Variants in IPPK observed in about 807,000 individuals in gnomAD.
IPPK encodes the protein IPK1 homolog.
A neutral mutation model predicts 64.6 loss-of-function variants in IPPK; 22 were observed. The ratio of observed to expected loss-of-function variants is 0.34; its 90% CI spans 0.24 to 0.49. The LOEUF (loss-of-function observed/expected upper bound fraction) is 0.49. IPPK is among the 20% of genes least tolerant of loss of function. The pLI is 0.99. For missense variants in IPPK, 532 were observed against 630.7 expected, an observed-to-expected ratio of 0.84 and a Z score of 1.68; for synonymous variants, 262 against 247.2, an observed-to-expected ratio of 1.06 and a Z score of -0.56.
chr9:92,669,767 G>A (rs1852687393), intron 1 of IPPK, 141 bp downstream of exon 1: 1 of 620,170 alleles, frequency 1.6e-6, no homozygotes, highest in Non-Finnish European at 2.9e-6. Flanking sequence ...GAGGGTGGGG[G>A]AATTCCGGAG....
intron 11 of IPPK, among the ~76,000 whole-genome samples, chr9:92,621,323 G>GATA (rs1330091311): frequency 2.0e-5 from 3 of 151,910 alleles, no homozygotes; most frequent in Non-Finnish European, 4.4e-5. Context: ...AACATGAAAA[G>GATA]ATAATAAAAG....
chr9:92,640,280 G>A (rs915358443), intron 8 of IPPK, among the ~76,000 whole-genome samples: 1 of 151,724 alleles, frequency 6.6e-6, no homozygotes, highest in African/African-American at 2.4e-5. Context: ...CTCCGCAGAT[G>A]CCCCAACCCT....
rs1420024966 is a variant in IPPK at position 92,615,699 on chromosome 9, G to A, written c.*133C>T. On this transcript the variant is annotated 3_prime_UTR_variant, in exon 13 of 13. Coordinates refer to ENST00000287996, the MANE Select transcript of IPPK (RefSeq NM_022755.6). ...GTGCTCTTCAATTCCATGTCTCCAA[G>A]AGGCAATCCCACCTCAAAAGGGGTT... is the stretch of plus-strand genomic sequence containing the variant. The A allele has an allele frequency of 4.7e-5, 31 of 657,520 alleles. No homozygotes were observed. The allele number at this position is 657,520 out of a possible 1,614,324, so 40.7% of individuals were successfully genotyped here.
At chr9:92,637,628 T>C (rs76579107) in intron 9 of IPPK, among the ~76,000 whole-genome samples, 1,712 of 152,312 alleles carry the variant, frequency 0.011, 25 homozygotes, top group African/African-American at 0.038. Context: ...TGTGCCTCAA[T>C]TCTCTCTGTC....
Position 92,656,674 on chromosome 9 carries a change from C to G in IPPK, c.130-123G>C, listed in dbSNP as rs1852379967. 7.5e-6 allele frequency: 5 copies of G among 669,462 alleles called. No individual in the cohort carries two copies. In the South Asian group the frequency reaches 8.2e-5, roughly 11 times the overall value. 41.5% of individuals were successfully genotyped at this position (669,462 alleles called of 1,614,324 possible). Reference sequence around the variant, plus strand: ...GCAAGGGGGACATCCCAGCCACAGACAGAACCCGGGTGACAGCCCTCAGAC... The same window carrying G: ...GCAAGGGGGACATCCCAGCCACAGAGAGAACCCGGGTGACAGCCCTCAGAC... On this transcript the variant is annotated intron_variant, in intron 2 of 12. Coordinates refer to ENST00000287996, the MANE Select transcript of IPPK (RefSeq NM_022755.6).
chr9:92,616,092 G>A, intron 12 of IPPK, 35 bp from the exon 13 acceptor site: 1 of 1,451,222 alleles, frequency 6.9e-7, no homozygotes. Context: ...GGATACACAA[G>A]CCCCCCATTC....
chr9:92,635,879 A>G lies in IPPK; in HGVS notation c.917-571T>C, dbSNP rs1327567259. On this transcript the variant is annotated intron_variant, in intron 9 of 12. Transcript: ENST00000287996. The surrounding 1 kb of genome is among the most constrained non-coding windows in gnomAD (Gnocchi z 4.4). ...AGGAAAACCCTGGGACACTGTCTGCAGAGTCCAGAGCCATGAGCCCACACT... is the reference window on the plus strand; with the variant it reads ...AGGAAAACCCTGGGACACTGTCTGCGGAGTCCAGAGCCATGAGCCCACACT... Among the ~76,000 whole-genome samples the G allele has an allele frequency of 6.6e-6, 1 of 152,178 alleles. No homozygotes were observed. The highest frequency in any genetic ancestry group is 2.4e-5 in the African/African-American group (1 of 41,440).
At chr9:92,652,945 G>T (rs567444666) in intron 3 of IPPK, among the ~76,000 whole-genome samples, 2 of 152,086 alleles carry the variant, frequency 1.3e-5, no homozygotes, top group Non-Finnish European at 2.9e-5. Context: ...AGCTTCTCTC[G>T]CCACAAAGCA....
intron 1 of IPPK, among the ~76,000 whole-genome samples, chr9:92,665,900 G>A (rs998112353): frequency 3.9e-5 from 6 of 152,080 alleles, no homozygotes; most frequent in South Asian, 4.1e-4. Flanking sequence ...GCACCTGACC[G>A]CTTGAGCTTC....
rs149261676 is a variant in IPPK, at chr9:92,619,698, G to A, written c.1171-133C>T. 3.3e-4 allele frequency: 260 copies of A among 782,334 alleles called. No individual in the cohort carries two copies. In the African/African-American group the frequency reaches 4.1e-3, roughly 12 times the overall value. The allele number at this position is 782,334 out of a possible 1,614,324, so 48.5% of individuals were successfully genotyped here. ...CCTGAGGGTGGGATTAGGAGCGAGGGCCACGGTGAGCACGGGCGTCAGGAG... is the reference window on the plus strand; with the variant it reads ...CCTGAGGGTGGGATTAGGAGCGAGGACCACGGTGAGCACGGGCGTCAGGAG... On this transcript the variant is annotated intron_variant, in intron 11 of 12. Transcript: ENST00000287996.
chr9:92,643,233 T>C lies in IPPK; in HGVS notation c.505-423A>G, dbSNP rs868213633. Among the ~76,000 whole-genome samples, 3 of 152,384 alleles carry C rather than the reference T, an allele frequency of 2.0e-5. No individual in the cohort carries two copies. The South Asian group carries it at 6.2e-4, about 32-fold the overall frequency. On this transcript the variant is annotated intron_variant, in intron 6 of 12. Transcript: ENST00000287996. ...TTGGCATAACATTTTGAAAGGCAACTTGCTGGTATCCACCAAACTTTAAAA... is the reference window on the plus strand; with the variant it reads ...TTGGCATAACATTTTGAAAGGCAACCTGCTGGTATCCACCAAACTTTAAAA...
In IPPK at chr9:92,615,106, G is replaced by C. The variant is rs1851391752; in HGVS notation, c.*726C>G. 6.6e-6 allele frequency: 1 copy of C among 152,190 alleles called. No homozygotes were observed. The highest frequency in any genetic ancestry group is 1.5e-5 in the Non-Finnish European group (1 of 68,134). The allele number at this position is 152,190 out of a possible 1,614,324, so 9.4% of individuals were successfully genotyped here. ...CTTCTACAGCAGCAATTTTTAGTGG[G>C]AAAGAACAGCTCATCTCCCCCTCAT... On this transcript the variant is annotated 3_prime_UTR_variant, in exon 13 of 13. Coordinates refer to ENST00000287996, the MANE Select transcript of IPPK (RefSeq NM_022755.6).
At chr9:92,622,008 A>G (rs1851646702) in intron 11 of IPPK, among the ~76,000 whole-genome samples, 1 of 152,246 alleles carries the variant, frequency 6.6e-6, no homozygotes, top group Non-Finnish European at 1.5e-5. Flanking sequence ...AATTATCATC[A>G]TACAGAAAAA....
chr9:92,613,432 G>A lies in IPPK; in HGVS notation c.*2400C>T, dbSNP rs41305489. 0.021 allele frequency: 7,375 copies of A among 346,262 alleles called. 150 individuals are homozygous for A. Among genetic ancestry groups the A allele is most frequent in the South Asian group, 0.052 (1,921 of 36,764 alleles). The allele number at this position is 346,262 out of a possible 1,614,324, so 21.4% of individuals were successfully genotyped here. ...GGTTGTGTGTCCTCAGATGTGTGGG[G>A]AGGATCCATCCCCCACCCACTGCAG... On this transcript the variant is annotated 3_prime_UTR_variant, in exon 13 of 13. Coordinates refer to ENST00000287996, the MANE Select transcript of IPPK (RefSeq NM_022755.6).
chr9:92,620,126 C>T (rs982434989), intron 11 of IPPK: 4 of 155,858 alleles, frequency 2.6e-5, no homozygotes, highest in African/African-American at 9.6e-5. Flanking sequence ...GCACGGCCGG[C>T]GTCCCACTTT....
intron 12 of IPPK, 70 bp from the exon 13 acceptor site, chr9:92,616,127 C>A: frequency 9.5e-7 from 1 of 1,050,238 alleles, no homozygotes; most frequent in Non-Finnish European, 1.4e-6. Flanking sequence ...CGTTCTCTCT[C>A]CCTTTCTTCT....
intron 4 of IPPK, among the ~76,000 whole-genome samples, chr9:92,651,369 G>C (rs1313569178): frequency 2.0e-5 from 3 of 152,230 alleles, no homozygotes; most frequent in Admixed American, 1.3e-4. Flanking sequence ...AAGGCCACCA[G>C]CAAGTGCAGA....
At chr9:92,667,249 C>T (rs887524947) in intron 1 of IPPK, among the ~76,000 whole-genome samples, 1 of 152,234 alleles carries the variant, frequency 6.6e-6, no homozygotes, top group Non-Finnish European at 1.5e-5. Context: ...CCACCTGCTC[C>T]CACACCCGGC....
intron 1 of IPPK, 72 bp from the exon 2 acceptor site, chr9:92,658,753 G>A: frequency 4.3e-6 from 6 of 1,380,058 alleles, no homozygotes; most frequent in Non-Finnish European, 4.1e-6. Context: ...TCAGTTTGGG[G>A]GTCCCATCCT....
Sources: allele counts gnomAD v4.1 joint callset (sites outside exome capture counted in the v4.1 genomes callset), GRCh38; gene constraint gnomAD v4.1.1; non-coding constraint Gnocchi (gnomAD v3.1); transcripts MANE v1.5; gene names NCBI Gene and HGNC (gene_info 2026-07-23, HGNC 2026-07-21).